Variants in PCDHA6 observed in about 807,000 individuals in gnomAD.
PCDHA6 encodes protocadherin alpha 6, also known as protocadherin alpha-6.
A neutral mutation model predicts 60.3 loss-of-function variants in PCDHA6; 55 were observed. The observed-to-expected ratio is 0.91, with a 90% CI of 0.73 to 1.14. The LOEUF is 1.14. Ranked by LOEUF, PCDHA6 falls within the 50% of genes most tolerant of loss-of-function variation. The probability of loss-of-function intolerance (pLI) is 0.00; values close to 1 mark genes in which losing one functional copy is unlikely to be tolerated. For synonymous variants in PCDHA6, 652 were observed against 557.9 expected, an observed-to-expected ratio of 1.17 and a Z score of -2.38; for missense variants, 1,327 against 1,256.5, an observed-to-expected ratio of 1.06 and a Z score of -0.85.
At chr5:140,898,965 G>A (rs2067069000) in intron 1 of PCDHA6, among the ~76,000 whole-genome samples, 1 of 152,044 alleles carries the variant, frequency 6.6e-6, no homozygotes, top group Non-Finnish European at 1.5e-5. Flanking sequence ...GTGAATGGGA[G>A]TTCACTCATG....
intron 1 of PCDHA6, chr5:140,854,328 A>C (rs1562493993): frequency 4.6e-6 from 1 of 216,912 alleles, no homozygotes; most frequent in Non-Finnish European, 7.8e-6. Context: ...TGGCAAACTT[A>C]TTTTACGCTC....
At chr5:140,928,348 G>A in intron 1 of PCDHA6, 1 of 1,614,172 alleles carries the variant, frequency 6.2e-7, no homozygotes, top group Non-Finnish European at 8.5e-7. Context: ...TGAGCTGTTG[G>A]ATGTTATCTC....
chr5:140,873,275 T>C (rs1335407966), intron 1 of PCDHA6, among the ~76,000 whole-genome samples: 1 of 152,220 alleles, frequency 6.6e-6, no homozygotes, highest in Non-Finnish European at 1.5e-5. Context: ...TAAACCATCA[T>C]ACCACTTATG....
intron 1 of PCDHA6, among the ~76,000 whole-genome samples, chr5:140,945,698 T>C (rs530742031): frequency 3.9e-5 from 6 of 152,046 alleles, no homozygotes; most frequent in Non-Finnish European, 8.8e-5. Flanking sequence ...GTCCACTGAT[T>C]TGCAACAAAA....
chr5:140,949,630 T>C (rs549897729), intron 1 of PCDHA6, among the ~76,000 whole-genome samples: 2 of 152,016 alleles, frequency 1.3e-5, no homozygotes, highest in South Asian at 4.1e-4. Flanking sequence ...TTTCATGGCA[T>C]ATTGCTTTTT....
At chr5:140,920,851 A>C (rs1370021063) in intron 1 of PCDHA6, among the ~76,000 whole-genome samples, 1 of 152,008 alleles carries the variant, frequency 6.6e-6, no homozygotes, top group Non-Finnish European at 1.5e-5. Flanking sequence ...TAAAAAAAAA[A>C]AAAAAAACAA....
chr5:140,835,835 G>A (rs2150246191), intron 1 of PCDHA6: 1 of 1,612,346 alleles, frequency 6.2e-7, no homozygotes, highest in Non-Finnish European at 8.5e-7. Context: ...ACGCGGACGC[G>A]CAGAAGAACG....
At chr5:140,845,850 G>C (rs2150381822) in intron 1 of PCDHA6, among the ~76,000 whole-genome samples, 1 of 149,860 alleles carries the variant, frequency 6.7e-6, no homozygotes, top group East Asian at 1.9e-4. Flanking sequence ...GAGAAAAGAA[G>C]TTAGTGATTG....
chr5:140,999,801 G>T (rs1271249129), intron 3 of PCDHA6, among the ~76,000 whole-genome samples: 1 of 152,112 alleles, frequency 6.6e-6, no homozygotes, highest in Admixed American at 6.5e-5. Flanking sequence ...GTTATTTTGG[G>T]CACAAAGCAA....
rs1554145527 is a variant in PCDHA6, at chr5:140,851,758, C to T, written c.2394+21273C>T. The T allele has an allele frequency of 1.1e-5, 11 of 969,794 alleles. 1 individual carries two copies. The highest frequency in any genetic ancestry group is 1.4e-5 in the Non-Finnish European group (11 of 802,714). 60.1% of individuals were successfully genotyped at this position (969,794 alleles called of 1,614,324 possible). ...GAAATTCAGAGTCTGTAACTTAAAACATTACCCTTATGAATTTAGATGAGA... is the reference window on the plus strand; with the variant it reads ...GAAATTCAGAGTCTGTAACTTAAAATATTACCCTTATGAATTTAGATGAGA... On this transcript the variant is annotated intron_variant, in intron 1 of 3. Transcript: ENST00000529310.
intron 1 of PCDHA6, among the ~76,000 whole-genome samples, chr5:140,880,084 T>C (rs1554171167): frequency 6.6e-6 from 1 of 152,208 alleles, no homozygotes. Context: ...CAACCTATTA[T>C]AGTAGGCTTA....
intron 1 of PCDHA6, among the ~76,000 whole-genome samples, chr5:140,938,194 C>T (rs782229712): frequency 5.9e-5 from 9 of 152,206 alleles, no homozygotes; most frequent in South Asian, 2.1e-4. Context: ...AATCCTCCCA[C>T]GCCAGCCTCC....
chr5:140,854,474 G>A (rs2043136313), intron 1 of PCDHA6: 1 of 149,900 alleles, frequency 6.7e-6, no homozygotes, highest in Non-Finnish European at 1.5e-5. Context: ...GAGTAGAGAA[G>A]TATAGAAACA....
At chr5:140,953,996 T>C (rs989520486) in intron 1 of PCDHA6, among the ~76,000 whole-genome samples, 1 of 152,158 alleles carries the variant, frequency 6.6e-6, no homozygotes, top group African/African-American at 2.4e-5. Context: ...TCATGTGTAC[T>C]CATCATTCAG....
intron 3 of PCDHA6, among the ~76,000 whole-genome samples, chr5:140,983,182 C>G (rs782457174): frequency 1.3e-5 from 2 of 152,188 alleles, no homozygotes; most frequent in Non-Finnish European, 2.9e-5. Flanking sequence ...CTCACAATTT[C>G]TTAGTTTAGA....
intron 1 of PCDHA6, chr5:140,858,571 C>T: frequency 7.3e-7 from 1 of 1,362,320 alleles, no homozygotes. Flanking sequence ...CTAGTGATAC[C>T]TTTGTAATAT....
intron 1 of PCDHA6, among the ~76,000 whole-genome samples, chr5:140,948,234 T>G (rs1011132417): frequency 6.6e-6 from 1 of 151,670 alleles, no homozygotes; most frequent in African/African-American, 2.4e-5. Flanking sequence ...TTAACTTGTA[T>G]TTTAGTAAAT....
At chr5:140,892,588 T>C (rs751167275) in intron 1 of PCDHA6, among the ~76,000 whole-genome samples, 12 of 152,204 alleles carry the variant, frequency 7.9e-5, no homozygotes, top group Non-Finnish European at 1.8e-4. Flanking sequence ...TCAGTATTCA[T>C]TCACCTATTT....
chr5:140,901,907 A>C (rs1204627106), intron 1 of PCDHA6, among the ~76,000 whole-genome samples: 1 of 150,942 alleles, frequency 6.6e-6, no homozygotes, highest in African/African-American at 2.4e-5. Context: ...CATTGTGGAG[A>C]TCTTTCACTT....
Sources: gnomAD v4.1 joint callset for allele counts (sites outside exome capture counted in the v4.1 genomes callset) on GRCh38, gnomAD v4.1.1 for gene constraint, MANE v1.5 for transcripts, NCBI Gene and HGNC (gene_info 2026-07-23, HGNC 2026-07-21) for gene names.